Variants in MEP1A observed in about 807,000 individuals in gnomAD.
MEP1A encodes meprin A subunit alpha.
MEP1A carries 68 observed loss-of-function variants against 84.5 expected under a neutral mutation model. The ratio of observed to expected loss-of-function variants is 0.80; its 90% CI spans 0.66 to 0.98. MEP1A has a LOEUF of 0.98. MEP1A is among the 50% of genes least tolerant of loss of function. The pLI is 0.00. For missense variants in MEP1A, 887 were observed against 919.9 expected (o/e 0.96, Z 0.46); for synonymous variants, 337 against 336.8 (o/e 1.00, Z -0.01).
At chr6:46,840,320 G>A (rs1004929349), downstream of MEP1A, among the ~76,000 whole-genome samples, 11 of 152,168 alleles carry the variant, frequency 7.2e-5, no homozygotes, top group African/African-American at 2.7e-4. Context: ...GTATCCCAGG[G>A]AGGACTGATT....
chr6:46,827,857 C>T (rs561815352), intron 9 of MEP1A, among the ~76,000 whole-genome samples: 31 of 152,168 alleles, frequency 2.0e-4, no homozygotes, highest in Non-Finnish European at 3.2e-4. Flanking sequence ...TTATTGTGAG[C>T]GGAATCTGCT....
chr6:46,838,500 A>G (rs1768266310), intron 13 of MEP1A, among the ~76,000 whole-genome samples: 1 of 152,324 alleles, frequency 6.6e-6, no homozygotes, highest in African/African-American at 2.4e-5. Context: ...CCTTATAGTA[A>G]CATTTTATTT....
At chr6:46,826,052 T>C (rs1304129850) in intron 8 of MEP1A, among the ~76,000 whole-genome samples, 1 of 152,174 alleles carries the variant, frequency 6.6e-6, no homozygotes, top group African/African-American at 2.4e-5. Flanking sequence ...ACCTACTAAG[T>C]ACAAAGCCAA....
chr6:46,833,552 G>A lies in MEP1A; in HGVS notation c.1609+14G>A. 5 of 1,602,402 alleles carry A rather than the reference G, an allele frequency of 3.1e-6. No individual in the cohort carries two copies. Among genetic ancestry groups the A allele is most frequent in the Non-Finnish European group, 4.3e-6 (5 of 1,170,508 alleles). On this transcript the variant is annotated intron_variant, in intron 11 of 13. Transcript: ENST00000230588. ...ACACATCTCCAGGTGGGTGGTGTCAGCGCAAATAAGAACTGCCCCTTGAAC... is the reference window on the plus strand; with the variant it reads ...ACACATCTCCAGGTGGGTGGTGTCAACGCAAATAAGAACTGCCCCTTGAAC...
At chr6:46,797,824 TTCTTTCTTTCTTTCTC>T (rs1371483062) in intron 3 of MEP1A, among the ~76,000 whole-genome samples, 3 of 84,744 alleles carry the variant, frequency 3.5e-5, no homozygotes, top group Non-Finnish European at 7.5e-5. Context: ...CTTTCTTTCT[TTCTTTCTTTCTTTCTC>T]TCTCTCTTTC....
At chr6:46,801,904 T>G (rs1438608032) in intron 5 of MEP1A, among the ~76,000 whole-genome samples, 1 of 152,000 alleles carries the variant, frequency 6.6e-6, no homozygotes, top group Non-Finnish European at 1.5e-5. Flanking sequence ...TTGCCAAGTT[T>G]GCCAAGACTC....
At chr6:46,838,950 C>T in intron 13 of MEP1A, 30 bp from the exon 14 acceptor site, 1 of 1,592,246 alleles carries the variant, frequency 6.3e-7, no homozygotes, top group Non-Finnish European at 8.6e-7. Context: ...TGGGTAGTTC[C>T]CACACTCCCT....
intron 3 of MEP1A, among the ~76,000 whole-genome samples, chr6:46,796,123 T>C (rs1209219948): frequency 6.6e-6 from 1 of 152,172 alleles, no homozygotes; most frequent in Non-Finnish European, 1.5e-5. Flanking sequence ...GCCAGCAGCA[T>C]CGGCATCACC....
chr6:46,835,113 G>T (rs1033450273), intron 12 of MEP1A, 136 bp from the exon 13 acceptor site: 2 of 748,758 alleles, frequency 2.7e-6, no homozygotes, highest in South Asian at 3.9e-5. Flanking sequence ...GAATCAGCTG[G>T]ATTCAAAGCC....
intron 7 of MEP1A, among the ~76,000 whole-genome samples, chr6:46,824,992 ATAGATCTATTTAAG>A (rs1471226723): frequency 1.3e-3 from 160 of 125,352 alleles, no homozygotes; most frequent in Non-Finnish European, 1.7e-3. Flanking sequence ...ATATATTTAA[ATAGATCTATTTAAG>A]TATATATAAA....
At chr6:46,843,844 A>G (rs1251339769), downstream of MEP1A, among the ~76,000 whole-genome samples, 2 of 152,194 alleles carry the variant, frequency 1.3e-5, no homozygotes, top group Non-Finnish European at 2.9e-5. Flanking sequence ...ATTTGGGTAA[A>G]CTGAGGCAAT....
rs1380997311 is a variant in MEP1A, at chr6:46,804,079, G to A, written c.262+4898G>A. 1.3e-4 allele frequency among the ~76,000 whole-genome samples: 19 copies of A among 151,604 alleles called. No individual in the cohort carries two copies. In the East Asian group the frequency reaches 2.5e-3, roughly 20 times the overall value. On this transcript the variant is annotated intron_variant, in intron 5 of 13. Transcript: ENST00000230588. ...TAATTGATGAAAAACAAGAGTCTTC[G>A]TATTTACTTTTACACTTGAAATTTC... is the stretch of plus-strand genomic sequence containing the variant.
At chr6:46,818,936 G>A (rs1767701942) in intron 6 of MEP1A, among the ~76,000 whole-genome samples, 1 of 151,974 alleles carries the variant, frequency 6.6e-6, no homozygotes, top group Non-Finnish European at 1.5e-5. Context: ...GACCAGGCTG[G>A]GCAACATGGC....
downstream of MEP1A, among the ~76,000 whole-genome samples, chr6:46,839,933 A>G (rs1768304064): frequency 6.6e-6 from 1 of 152,150 alleles, no homozygotes; most frequent in Non-Finnish European, 1.5e-5. Flanking sequence ...AACTGAAGGT[A>G]TCAGAGAACT....
intron 10 of MEP1A, 140 bp from the exon 11 acceptor site, chr6:46,832,934 T>C (rs1256083341): frequency 2.2e-5 from 12 of 540,858 alleles, no homozygotes; most frequent in Non-Finnish European, 4.0e-5. Flanking sequence ...AACCAGTTTA[T>C]AACAGTACCT....
chr6:46,836,261 T>A (rs931269916), intron 13 of MEP1A, among the ~76,000 whole-genome samples: 1 of 152,194 alleles, frequency 6.6e-6, no homozygotes, highest in African/African-American at 2.4e-5. Flanking sequence ...TTATAGTTCT[T>A]TTTATAATGT....
chr6:46,804,083 T>G (rs756293544), intron 5 of MEP1A, among the ~76,000 whole-genome samples: 1 of 151,664 alleles, frequency 6.6e-6, no homozygotes, highest in African/African-American at 2.4e-5. Flanking sequence ...GTCTTCGTAT[T>G]TACTTTTACA....
At position 46,798,756 on chromosome 6, in the gene MEP1A, G is replaced by A. The variant is rs1008846789; in HGVS notation, c.186+110G>A. On this transcript the variant is annotated intron_variant, in intron 4 of 13. Transcript: ENST00000230588. ...GATGGGCACTGTGAAGGAGATGAGA[G>A]AAATCTCATCTATAATCTGTTCCAG... is the stretch of plus-strand genomic sequence containing the variant. 13 of 890,828 alleles carry A rather than the reference G, an allele frequency of 1.5e-5. No homozygotes were observed. In the African/African-American group the frequency reaches 2.2e-4, roughly 15 times the overall value. The allele number at this position is 890,828 out of a possible 1,614,324, so 55.2% of individuals were successfully genotyped here.
intron 10 of MEP1A, among the ~76,000 whole-genome samples, chr6:46,831,683 A>T (rs1768078377): frequency 6.6e-6 from 1 of 152,226 alleles, no homozygotes; most frequent in South Asian, 2.1e-4. Flanking sequence ...GCAGGTACTA[A>T]TCAGCAAGAA....
Sources: gnomAD v4.1 joint callset for allele counts (sites outside exome capture counted in the v4.1 genomes callset) on GRCh38, gnomAD v4.1.1 for gene constraint, MANE v1.5 for transcripts, NCBI Gene and HGNC (gene_info 2026-07-23, HGNC 2026-07-21) for gene names.